Variants in EFCAB13 observed in about 807,000 individuals in gnomAD.
EFCAB13 encodes the protein EF-hand calcium binding domain 13.
Under a neutral mutation model 110.2 loss-of-function variants are expected in EFCAB13, and 91 were observed. That is an observed-to-expected ratio of 0.83 (90% CI 0.70 to 0.98). EFCAB13 has a LOEUF of 0.98. Ranked by LOEUF, EFCAB13 falls within the 50% of genes least tolerant of loss-of-function variation. The probability of loss-of-function intolerance (pLI) is 0.00; values close to 1 mark genes in which losing one functional copy is unlikely to be tolerated. For synonymous variants in EFCAB13, 323 were observed against 369.9 expected, an observed-to-expected ratio of 0.87 and a Z score of 1.45; for missense variants, 968 against 1,119.4, an observed-to-expected ratio of 0.86 and a Z score of 1.93.
intron 24 of EFCAB13, among the ~76,000 whole-genome samples, chr17:47,437,489 A>G (rs1486480540): frequency 6.6e-6 from 1 of 152,160 alleles, no homozygotes; most frequent in Non-Finnish European, 1.5e-5. Context: ...TTCCTGTTGG[A>G]TAAGGCCTTT....
intron 8 of EFCAB13, 99 bp downstream of exon 8, chr17:47,345,197 C>T (rs1014574907): frequency 8.9e-6 from 7 of 785,374 alleles, no homozygotes; most frequent in African/African-American, 1.8e-5. Flanking sequence ...CTCCTAATGG[C>T]TTATGGTATC....
chr17:47,415,606 C>T (rs533564994), intron 23 of EFCAB13, among the ~76,000 whole-genome samples: 1 of 152,214 alleles, frequency 6.6e-6, no homozygotes, highest in Admixed American at 6.5e-5. Flanking sequence ...GGTTTTTCTT[C>T]AATGACTTGT....
At chr17:47,386,243 A>G (rs567286032) in intron 14 of EFCAB13, among the ~76,000 whole-genome samples, 319 of 152,300 alleles carry the variant, frequency 2.1e-3, no homozygotes, top group Non-Finnish European at 3.8e-3. Flanking sequence ...AGTTGTGCCC[A>G]CAGCCGCCCC....
At chr17:47,331,703 C>T (rs1211355597) in intron 4 of EFCAB13, among the ~76,000 whole-genome samples, 1 of 151,968 alleles carries the variant, frequency 6.6e-6, no homozygotes, top group African/African-American at 2.4e-5. Flanking sequence ...ATCACATTGC[C>T]CTAAAATCTT....
intron 11 of EFCAB13, 63 bp from the exon 12 acceptor site, chr17:47,374,409 A>C: frequency 7.6e-7 from 1 of 1,317,944 alleles, no homozygotes; most frequent in Non-Finnish European, 1.0e-6. Flanking sequence ...CTTAGTTGTT[A>C]TTTTTGAAAT....
At position 47,328,267 on chromosome 17, in the gene EFCAB13, A is replaced by G. The variant is rs1305358147; in HGVS notation, c.-85-2A>G. On this transcript the variant is annotated splice_acceptor_variant, in intron 3 of 24. Coordinates refer to ENST00000331493, the MANE Select transcript of EFCAB13 (RefSeq NM_152347.5). LOFTEE classifies it low-confidence loss of function (5UTR_SPLICE). ...GATTTCTTCTTTCTCTTTTTTTGGC[A>G]GGAAATCCTTTTGTACTATTGCTCA... 5 of 1,153,394 alleles carry G rather than the reference A, an allele frequency of 4.3e-6. No homozygotes were observed. In the Admixed American group the frequency reaches 7.5e-5, roughly 17 times the overall value. 71.4% of individuals were successfully genotyped at this position (1,153,394 alleles called of 1,614,324 possible). A position where few individuals can be genotyped will look rare whatever the true frequency, so the allele number is the denominator to read the frequency against.
chr17:47,355,465 AAT>A, intron 9 of EFCAB13, among the ~76,000 whole-genome samples: 1 of 152,178 alleles, frequency 6.6e-6, no homozygotes, highest in Non-Finnish European at 1.5e-5. Flanking sequence ...TATTCCCTCA[AAT>A]ATGTTTTAAC....
At position 47,349,423 on chromosome 17, in the gene EFCAB13, A is replaced by G. The variant is rs2065435702; in HGVS notation, c.661+1472A>G. Among the ~76,000 whole-genome samples, 3 of 152,318 alleles carry G rather than the reference A, an allele frequency of 2.0e-5. No individual in the cohort carries two copies. The South Asian group carries it at 6.2e-4, about 32-fold the overall frequency. On this transcript the variant is annotated intron_variant, in intron 9 of 24. Transcript: ENST00000331493. Reference sequence around the variant, plus strand: ...CAAATATAAAAATTAGTCTTGAGCAAAGAGCACTGCAGTATCTACAGTACT... The same window carrying G: ...CAAATATAAAAATTAGTCTTGAGCAGAGAGCACTGCAGTATCTACAGTACT...
chr17:47,396,085 T>A, intron 17 of EFCAB13, 108 bp downstream of exon 17: 1 of 894,012 alleles, frequency 1.1e-6, no homozygotes, highest in Non-Finnish European at 1.6e-6. Flanking sequence ...TGTTCGAATA[T>A]GATTGAAATG....
intron 15 of EFCAB13, among the ~76,000 whole-genome samples, chr17:47,392,038 G>C (rs998369813): frequency 1.3e-5 from 2 of 152,132 alleles, no homozygotes; most frequent in Admixed American, 1.3e-4. Context: ...CTAAAGGAAA[G>C]GGTGAGAGTG....
intron 22 of EFCAB13, among the ~76,000 whole-genome samples, chr17:47,414,281 A>C (rs1462574246): frequency 6.6e-6 from 1 of 152,124 alleles, no homozygotes; most frequent in Non-Finnish European, 1.5e-5. Context: ...GTACATGTAC[A>C]TGTGCATGTA....
rs1905113339 is a variant in EFCAB13 at position 47,431,361 on chromosome 17, G to T, written c.2638+1400G>T. ...TGAATATATCCCAATTTCTAGTGAT[G>T]AATATTTAGCTCAATAATTTTAAGG... On this transcript the variant is annotated intron_variant, in intron 24 of 24. Transcript: ENST00000331493. The surrounding 1 kb of genome is among the most constrained non-coding windows in gnomAD (Gnocchi z 4.1). Among the ~76,000 whole-genome samples, 1 of 150,214 alleles carries T rather than the reference G, an allele frequency of 6.7e-6. No homozygotes were observed.
intron 23 of EFCAB13, among the ~76,000 whole-genome samples, chr17:47,423,787 C>T (rs1017506225): frequency 6.6e-6 from 1 of 151,992 alleles, no homozygotes; most frequent in African/African-American, 2.4e-5. Flanking sequence ...CGGCCAGCGG[C>T]GGCCTCCTGC....
In EFCAB13 at chr17:47,364,891, T is replaced by C. The variant is rs566527402; in HGVS notation, c.805+3370T>C. Among the ~76,000 whole-genome samples the C allele has an allele frequency of 2.0e-5, 3 of 152,352 alleles. No homozygotes were observed. The East Asian group carries it at 5.8e-4, about 29-fold the overall frequency. On this transcript the variant is annotated intron_variant, in intron 10 of 24. Coordinates refer to ENST00000331493, the MANE Select transcript of EFCAB13 (RefSeq NM_152347.5). ...ATATTCTTCCTTGCTCTCTGTGCCT[T>C]CTTAGAGTTTCAACTATATACCATG...
At chr17:47,337,199 G>C (rs1344416884) in intron 5 of EFCAB13, among the ~76,000 whole-genome samples, 1 of 152,258 alleles carries the variant, frequency 6.6e-6, no homozygotes. Context: ...GGTCGTGGGA[G>C]CATCCCTTTA....
chr17:47,401,431 T>G lies in EFCAB13; in HGVS notation c.1946-701T>G, dbSNP rs187873224. Among the ~76,000 whole-genome samples the G allele has an allele frequency of 7.4e-4, 112 of 152,286 alleles. 1 individual carries two copies. The East Asian group carries it at 0.02, about 27-fold the overall frequency. The stretch of plus-strand genomic sequence containing the variant: ...TGTAAGAAATGGGTGTAAACACATA[T>G]CAGAAATTGTAGTCATAGGCCTATC... On this transcript the variant is annotated intron_variant, in intron 17 of 24. Coordinates refer to ENST00000331493, the MANE Select transcript of EFCAB13 (RefSeq NM_152347.5).
chr17:47,397,802 C>A lies in EFCAB13; in HGVS notation c.1945+1825C>A, dbSNP rs529148227. ...AACCGCCCGTCTGAGAAGTGAGGAG[C>A]CCCTCCGCCCGGCAGCTGCCCCGTC... is the stretch of plus-strand genomic sequence containing the variant. On this transcript the variant is annotated intron_variant, in intron 17 of 24. Coordinates refer to ENST00000331493, the MANE Select transcript of EFCAB13 (RefSeq NM_152347.5). 3.8e-3 allele frequency among the ~76,000 whole-genome samples: 578 copies of A among 151,494 alleles called. 6 individuals carry two copies. The highest frequency in any genetic ancestry group is 0.014 in the African/African-American group (561 of 41,250).
chr17:47,339,446 A>G (rs1033849779), intron 5 of EFCAB13, among the ~76,000 whole-genome samples: 2 of 152,138 alleles, frequency 1.3e-5, no homozygotes, highest in African/African-American at 4.8e-5. Flanking sequence ...GGCAAAACCT[A>G]GATCCCTTGC....
At chr17:47,421,082 C>T (rs542785490) in intron 23 of EFCAB13, among the ~76,000 whole-genome samples, 8 of 151,874 alleles carry the variant, frequency 5.3e-5, no homozygotes, top group East Asian at 3.9e-4. Context: ...CGCCTCTGCC[C>T]GGCCGCGCCT....
Sources: gnomAD v4.1 joint callset for allele counts (sites outside exome capture counted in the v4.1 genomes callset) on GRCh38, gnomAD v4.1.1 for gene constraint, Gnocchi (gnomAD v3.1) non-coding constraint, MANE v1.5 for transcripts, NCBI Gene and HGNC (gene_info 2026-07-23, HGNC 2026-07-21) for gene names.